Variants in NAV2 observed in about 807,000 individuals in gnomAD.
The protein encoded by NAV2 is helicase, APC down-regulated 1.
In NAV2, 54 loss-of-function variants were observed where a neutral mutation model predicts 223.2. That is an observed-to-expected ratio of 0.24 (90% CI 0.19 to 0.30). The LOEUF (loss-of-function observed/expected upper bound fraction) is 0.30, where lower values mean the gene tolerates loss of function less well. Among genes scored for constraint, NAV2 ranks in the 10% least tolerant of loss-of-function variants. The pLI, the probability that NAV2 is intolerant of heterozygous loss-of-function variation, is 1.00. For missense variants in NAV2, 2,806 were observed against 3,147.5 expected (o/e 0.89, Z 2.60); for synonymous variants, 1,279 against 1,239.3 (o/e 1.03, Z -0.67).
intron 1 of NAV2, among the ~76,000 whole-genome samples, chr11:19,509,743 T>A (rs1232612315): frequency 6.6e-6 from 1 of 152,214 alleles, no homozygotes; most frequent in Non-Finnish European, 1.5e-5. Context: ...TTAGAATCAC[T>A]GCCCCTAAAA....
chr11:19,464,818 A>C (rs1329899491), intron 1 of NAV2, among the ~76,000 whole-genome samples: 1 of 152,238 alleles, frequency 6.6e-6, no homozygotes, highest in Admixed American at 6.5e-5. Context: ...GCATCCCTAC[A>C]GTTTGCATTT....
At chr11:19,641,611 T>C (rs1003465549) in intron 1 of NAV2, among the ~76,000 whole-genome samples, 7 of 151,904 alleles carry the variant, frequency 4.6e-5, no homozygotes, top group Non-Finnish European at 8.8e-5. Flanking sequence ...ACACCATGGC[T>C]ATGCAGACCC....
intron 1 of NAV2, among the ~76,000 whole-genome samples, chr11:19,598,336 C>G (rs938467226): frequency 1.3e-5 from 2 of 152,270 alleles, no homozygotes; most frequent in Non-Finnish European, 2.9e-5. Context: ...GCCGAGGAAA[C>G]TGTACACAGG....
At chr11:19,551,183 T>C (rs951698104) in intron 1 of NAV2, among the ~76,000 whole-genome samples, 5 of 152,276 alleles carry the variant, frequency 3.3e-5, no homozygotes, top group Non-Finnish European at 7.3e-5. Flanking sequence ...CTTTGGGGTT[T>C]GCCTGCCCTG....
intron 1 of NAV2, among the ~76,000 whole-genome samples, chr11:19,481,247 C>T (rs2042271169): frequency 6.6e-6 from 1 of 152,024 alleles, no homozygotes; most frequent in African/African-American, 2.4e-5. Flanking sequence ...GGTAGAAAAG[C>T]CAAGGGCCTG....
intron 1 of NAV2, among the ~76,000 whole-genome samples, chr11:19,726,605 G>A (rs566921296): frequency 6.6e-6 from 1 of 152,322 alleles, no homozygotes; most frequent in South Asian, 2.1e-4. Flanking sequence ...GGGAATCAGG[G>A]TTGCCAACAG....
At chr11:20,067,645 T>A (rs931260082) in intron 20 of NAV2, among the ~76,000 whole-genome samples, 1 of 57,712 alleles carries the variant, frequency 1.7e-5, no homozygotes, top group Non-Finnish European at 2.9e-5. Context: ...ACCCGGCTAA[T>A]TTTTTTTTTT....
chr11:19,725,712 GC>G (rs1274873593), intron 1 of NAV2, among the ~76,000 whole-genome samples: 9 of 152,146 alleles, frequency 5.9e-5, no homozygotes, highest in African/African-American at 2.2e-4. Context: ...CTAAAAATAT[GC>G]CAGCTTTGTC....
chr11:19,436,689 T>A (rs1851228881), intron 1 of NAV2, among the ~76,000 whole-genome samples: 1 of 152,192 alleles, frequency 6.6e-6, no homozygotes, highest in African/African-American at 2.4e-5. Flanking sequence ...ATTTTAACAA[T>A]ACTAATTGTT....
chr11:19,352,413 T>C (rs1278765227), intron 1 of NAV2, among the ~76,000 whole-genome samples: 1 of 152,260 alleles, frequency 6.6e-6, no homozygotes, highest in Non-Finnish European at 1.5e-5. Flanking sequence ...TACAGCAAGA[T>C]AATATGCAAT....
At chr11:19,497,389 G>T (rs914067257) in intron 1 of NAV2, among the ~76,000 whole-genome samples, 5 of 152,202 alleles carry the variant, frequency 3.3e-5, no homozygotes, top group African/African-American at 1.2e-4. Context: ...TCTGGGATTT[G>T]GCCCCTTGAC....
chr11:20,044,131 G>A lies in NAV2; in HGVS notation c.3058G>A (p.Asp1020Asn), dbSNP rs768090032. Residue 1020 changes from aspartate (D) to asparagine (N), a missense_variant, in exon 13 of 38, where the codon GAC becomes AAC. Coordinates refer to ENST00000349880, the MANE Select transcript of NAV2 (RefSeq NM_145117.5). ...TCCTTCTGATGTGTCTGACGAGTCC[G>A]ACAAAAGCACGTCGGGCAAGAAGAA... The part of the protein sequence containing the change: ...RNPSDVSDES[D>N]KSTSGKKNPV... The A allele has an allele frequency of 1.1e-4, 170 of 1,614,044 alleles. No homozygotes were observed. Among genetic ancestry groups the A allele is most frequent in the Non-Finnish European group, 1.4e-4 (167 of 1,180,036 alleles).
At chr11:19,514,278 G>A (rs1475260264) in intron 1 of NAV2, among the ~76,000 whole-genome samples, 1 of 152,112 alleles carries the variant, frequency 6.6e-6, no homozygotes, top group East Asian at 1.9e-4. Flanking sequence ...TTTCAAGCTT[G>A]GAGGGAGACT....
At chr11:19,424,312 G>A (rs1409209833) in intron 1 of NAV2, among the ~76,000 whole-genome samples, 2 of 152,134 alleles carry the variant, frequency 1.3e-5, no homozygotes, top group Admixed American at 6.5e-5. Flanking sequence ...AGTATTATTT[G>A]CTGCTTCCTA....
At chr11:19,749,293 G>A (rs2053614078) in intron 1 of NAV2, among the ~76,000 whole-genome samples, 1 of 152,184 alleles carries the variant, frequency 6.6e-6, no homozygotes, top group South Asian at 2.1e-4. Context: ...TGAGGAGTAG[G>A]TGGGGGCATC....
chr11:19,886,172 C>A (rs560907448), intron 5 of NAV2, among the ~76,000 whole-genome samples: 11 of 149,918 alleles, frequency 7.3e-5, no homozygotes, highest in African/African-American at 2.7e-4. Context: ...AAGGTGGGGT[C>A]TCTCAATGTT....
At chr11:19,778,413 TA>T (rs1185516401) in intron 1 of NAV2, 2 of 454,186 alleles carry the variant, frequency 4.4e-6, no homozygotes, top group East Asian at 1.4e-4. Context: ...GCCTGGCATA[TA>T]AAAAGGATTC....
At chr11:19,402,551 A>C (rs759881317) in intron 1 of NAV2, among the ~76,000 whole-genome samples, 10 of 152,108 alleles carry the variant, frequency 6.6e-5, no homozygotes, top group Non-Finnish European at 8.8e-5. Context: ...TAGCTTTTGA[A>C]ATTTTTTCAT....
intron 1 of NAV2, among the ~76,000 whole-genome samples, chr11:19,806,022 C>T (rs2058541983): frequency 6.6e-6 from 1 of 152,262 alleles, no homozygotes; most frequent in African/African-American, 2.4e-5. Context: ...TTATTTTGTC[C>T]CCTGATAGCT....
Sources: allele counts gnomAD v4.1 joint callset (sites outside exome capture counted in the v4.1 genomes callset), GRCh38; gene constraint gnomAD v4.1.1; transcripts MANE v1.5; gene names NCBI Gene and HGNC (gene_info 2026-07-23, HGNC 2026-07-21).